Variants in DLGAP3 observed in about 807,000 individuals in gnomAD.
The protein encoded by DLGAP3 is disks large-associated protein 3.
A neutral mutation model predicts 81.2 loss-of-function variants in DLGAP3; 17 were observed. The ratio of observed to expected loss-of-function variants is 0.21; its 90% CI spans 0.14 to 0.31. The LOEUF (loss-of-function observed/expected upper bound fraction) is 0.31, where lower values mean the gene tolerates loss of function less well. DLGAP3 is among the 10% of genes least tolerant of loss of function. DLGAP3 has a pLI of 1.00. For missense variants in DLGAP3, 1,124 were observed against 1,388.0 expected (o/e 0.81, Z 3.02); for synonymous variants, 577 against 587.4 (o/e 0.98, Z 0.26).
chr1:34,896,380 A>T (rs1639380489), intron 5 of DLGAP3, among the ~76,000 whole-genome samples: 1 of 152,206 alleles, frequency 6.6e-6, no homozygotes, highest in Non-Finnish European at 1.5e-5. Context: ...TGATATCAGG[A>T]GTTGGGAACC....
intron 1 of DLGAP3, among the ~76,000 whole-genome samples, chr1:34,926,644 G>T (rs1361630833): frequency 6.6e-6 from 1 of 152,108 alleles, no homozygotes; most frequent in Admixed American, 6.5e-5. Context: ...CTAGGCAAAA[G>T]TTTTTGTCAT....
intron 5 of DLGAP3, among the ~76,000 whole-genome samples, chr1:34,894,929 T>C (rs1277872414): frequency 6.6e-6 from 1 of 152,216 alleles, no homozygotes; most frequent in African/African-American, 2.4e-5. Flanking sequence ...GAAATTAAAG[T>C]GTCCTAAGAT....
At chr1:34,897,276 G>C (rs1417189786) in intron 5 of DLGAP3, among the ~76,000 whole-genome samples, 1 of 152,084 alleles carries the variant, frequency 6.6e-6, no homozygotes, top group Non-Finnish European at 1.5e-5. Context: ...AAAGTGCTAA[G>C]AAGAAGGAGA....
intron 8 of DLGAP3, among the ~76,000 whole-genome samples, chr1:34,883,621 C>A (rs897382818): frequency 2.6e-5 from 4 of 152,196 alleles, no homozygotes; most frequent in African/African-American, 9.6e-5. Flanking sequence ...TTTCTGAAAT[C>A]TTTGTGGCAC....
intron 5 of DLGAP3, among the ~76,000 whole-genome samples, chr1:34,887,615 G>T (rs867591997): frequency 1.3e-5 from 2 of 152,322 alleles, no homozygotes; most frequent in African/African-American, 4.8e-5. Context: ...AGGTGACAAA[G>T]TCCTGAACAT....
At chr1:34,894,941 A>C (rs1035859291) in intron 5 of DLGAP3, among the ~76,000 whole-genome samples, 1 of 152,240 alleles carries the variant, frequency 6.6e-6, no homozygotes, top group Non-Finnish European at 1.5e-5. Flanking sequence ...TCCTAAGATC[A>C]CTTAAGTATT....
intron 1 of DLGAP3, among the ~76,000 whole-genome samples, chr1:34,909,785 C>A (rs906048508): frequency 1.4e-4 from 22 of 152,116 alleles, no homozygotes; most frequent in African/African-American, 5.3e-4. Flanking sequence ...GAGGAAGGGA[C>A]TAATAATTCA....
intron 1 of DLGAP3, among the ~76,000 whole-genome samples, chr1:34,916,105 C>G (rs568598246): frequency 6.6e-6 from 1 of 152,250 alleles, no homozygotes; most frequent in African/African-American, 2.4e-5. Context: ...TCAGGGTCAG[C>G]AACTGAGCCA....
chr1:34,897,281 A>G (rs1163180193), intron 5 of DLGAP3, among the ~76,000 whole-genome samples: 1 of 152,212 alleles, frequency 6.6e-6, no homozygotes, highest in Non-Finnish European at 1.5e-5. Context: ...GCTAAGAAGA[A>G]GGAGAAAGAG....
intron 5 of DLGAP3, among the ~76,000 whole-genome samples, chr1:34,891,349 A>C (rs1639309504): frequency 6.6e-6 from 1 of 152,226 alleles, no homozygotes; most frequent in Non-Finnish European, 1.5e-5. Flanking sequence ...ATTGTCAGTT[A>C]TAATATCAAG....
chr1:34,911,767 C>T (rs1264932294), intron 1 of DLGAP3, among the ~76,000 whole-genome samples: 1 of 152,190 alleles, frequency 6.6e-6, no homozygotes, highest in Non-Finnish European at 1.5e-5. Context: ...TTACAAATCT[C>T]ACTGGGAAAC....
At chr1:34,909,073 T>C (rs1191705779) in intron 1 of DLGAP3, among the ~76,000 whole-genome samples, 1 of 152,218 alleles carries the variant, frequency 6.6e-6, no homozygotes, top group Non-Finnish European at 1.5e-5. Flanking sequence ...AAAAGGCCAC[T>C]TTGGCAGAAG....
At chr1:34,886,389 C>A in intron 5 of DLGAP3, 104 bp from the exon 6 acceptor site, 1 of 1,070,922 alleles carries the variant, frequency 9.3e-7, no homozygotes, top group Non-Finnish European at 1.3e-6. Context: ...TCTGCAGAGG[C>A]TGTAGGCGAC....
In DLGAP3 at chr1:34,906,016, T is replaced by TTTTTTATATATATATATATATATATATA. The variant is rs60469155; in HGVS notation, c.-51-583_-51-582insTATATATATATATATATATATATAAAAA. Among the ~76,000 whole-genome samples the TTTTTTATATATATATATATATATATATA allele has an allele frequency of 7.9e-4, 51 of 64,804 alleles. 2 individuals carry two copies. The highest frequency in any genetic ancestry group is 2.1e-3 in the African/African-American group (45 of 21,620). The allele number at this position is 64,804 out of a possible 152,430, so 42.5% of individuals were successfully genotyped here. On this transcript the variant is annotated intron_variant, in intron 2 of 11. Transcript: ENST00000373347. ...ACAGAGCGAGACCTGGCCTCTAAATTTATATATATATATATATTTGTTTGT... is the reference window on the plus strand; with the variant it reads ...ACAGAGCGAGACCTGGCCTCTAAATTTTTTTATATATATATATATATATATATATATATATATATATATATTTGTTTGT...
In DLGAP3 at chr1:34,905,200, G is replaced by C. The variant is rs764347262; in HGVS notation, c.184C>G (p.Pro62Ala). Residue 62 changes from proline to alanine, a missense_variant, in exon 3 of 12, where the codon CCC (proline) becomes GCC (alanine). By Grantham distance (27) the Pro-to-Ala change is conservative. Transcript: ENST00000373347. ...AGLGHISPEGPLSLSEGPSVG... is the reference protein window; with the variant it reads ...AGLGHISPEGALSLSEGPSVG... Reference sequence around the variant, plus strand: ...GACGGCCCCTCACTCAGGCTCAGGGGCCCTTCAGGAGAAATGTGTCCCAGG... The same window carrying C: ...GACGGCCCCTCACTCAGGCTCAGGGCCCCTTCAGGAGAAATGTGTCCCAGG... The C allele has an allele frequency of 1.3e-6, 2 of 1,590,492 alleles. No homozygotes were observed. The highest frequency in any genetic ancestry group is 2.7e-5 in the African/African-American group (2 of 74,626).
chr1:34,899,705 G>A lies in DLGAP3; in HGVS notation c.1350C>T (p.Ser450=). The change falls in exon 5 of 12, where the codon TCC becomes TCT. Residue 450 remains serine (S), a synonymous_variant. Coordinates refer to ENST00000373347, the MANE Select transcript of DLGAP3 (RefSeq NM_001080418.3). ...CVPPRIHPRS[S]IPGYSRSLTT... is the part of the protein sequence containing the mutation. ...TGAGGGAACGGCTGTAGCCAGGGATGGAGCTCCGGGGGTGGATCCGGGGTG... is the reference window on the plus strand; with the variant it reads ...TGAGGGAACGGCTGTAGCCAGGGATAGAGCTCCGGGGGTGGATCCGGGGTG... 1 of 1,614,096 alleles carries A rather than the reference G, an allele frequency of 6.2e-7. No homozygotes were observed. Among genetic ancestry groups the A allele is most frequent in the Non-Finnish European group, 8.5e-7 (1 of 1,180,032 alleles).
rs1639366337 is a variant in DLGAP3, at chr1:34,895,322, C to T, written c.1386+4347G>A. ...AGCGGAGCTTGCAGTGAGCCGAGAT[C>T]ATGCCACTGCACTCCTACCTGGGCG... On this transcript the variant is annotated intron_variant, in intron 5 of 11. Transcript: ENST00000373347. This position sits in a 1 kb window ranked among gnomAD's most constrained non-coding sequence, Gnocchi z 4.5. 6.7e-6 allele frequency among the ~76,000 whole-genome samples: 1 copy of T among 149,478 alleles called. No homozygotes were observed. The highest frequency in any genetic ancestry group is 2.5e-5 in the African/African-American group (1 of 40,544).
chr1:34,906,615 T>A (rs1639559577), intron 2 of DLGAP3, among the ~76,000 whole-genome samples: 1 of 151,970 alleles, frequency 6.6e-6, no homozygotes, highest in African/African-American at 2.4e-5. Context: ...CCACCCTCCA[T>A]TCCCATTCCA....
chr1:34,899,394 G>A lies in DLGAP3; in HGVS notation c.1386+275C>T, dbSNP rs113775991. Among the ~76,000 whole-genome samples the A allele has an allele frequency of 7.2e-5, 11 of 152,316 alleles. 1 individual carries two copies. The highest frequency in any genetic ancestry group is 2.6e-4 in the African/African-American group (11 of 41,574). ...ATCCTACCTTTTACATGGGGGCAAG[G>A]AGGGAGCAATCAGGCCTGTGAAGAG... On this transcript the variant is annotated intron_variant, in intron 5 of 11. Coordinates refer to ENST00000373347, the MANE Select transcript of DLGAP3 (RefSeq NM_001080418.3).
Sources: allele counts gnomAD v4.1 joint callset (sites outside exome capture counted in the v4.1 genomes callset), GRCh38; gene constraint gnomAD v4.1.1; non-coding constraint Gnocchi (gnomAD v3.1); transcripts MANE v1.5; gene names NCBI Gene and HGNC (gene_info 2026-07-23, HGNC 2026-07-21).